Variants in MELK observed in about 807,000 individuals in gnomAD.
MELK encodes pEg3 kinase.
MELK carries 81 observed loss-of-function variants against 85.0 expected under a neutral mutation model. The ratio of observed to expected loss-of-function variants is 0.95; its 90% CI spans 0.80 to 1.15. The LOEUF (loss-of-function observed/expected upper bound fraction) is 1.15. Among genes scored for constraint, MELK ranks in the 50% most tolerant of loss-of-function variants. The probability of loss-of-function intolerance (pLI) is 0.00; values close to 1 mark genes in which losing one functional copy is unlikely to be tolerated. For missense variants in MELK, 754 were observed against 777.5 expected (o/e 0.97, Z 0.36); for synonymous variants, 252 against 265.0 (o/e 0.95, Z 0.48).
At chr9:36,671,598 G>A (rs1482984520) in intron 16 of MELK, among the ~76,000 whole-genome samples, 1 of 152,222 alleles carries the variant, frequency 6.6e-6, no homozygotes, top group Non-Finnish European at 1.5e-5. Context: ...GGAAAATAGT[G>A]AGTGACAAGC....
chr9:36,636,243 C>A (rs1436018524), intron 10 of MELK, among the ~76,000 whole-genome samples: 1 of 151,970 alleles, frequency 6.6e-6, no homozygotes, highest in Non-Finnish European at 1.5e-5. Context: ...GTGGCTCACG[C>A]CTGTAATCCT....
At chr9:36,628,953 G>A (rs1587490757) in intron 8 of MELK, among the ~76,000 whole-genome samples, 4 of 140,170 alleles carry the variant, frequency 2.9e-5, no homozygotes, top group South Asian at 2.3e-4. Flanking sequence ...CGCAACCTCC[G>A]CCTCCTGAGT....
At chr9:36,640,336 G>A (rs61517225) in intron 10 of MELK, among the ~76,000 whole-genome samples, 1 of 152,156 alleles carries the variant, frequency 6.6e-6, no homozygotes, top group Admixed American at 6.5e-5. Flanking sequence ...TGTTTGATGA[G>A]GGCCCACTTT....
Position 36,620,717 on chromosome 9 carries a change from A to C in MELK, c.667-9582A>C, listed in dbSNP as rs575053466. On this transcript the variant is annotated intron_variant, in intron 8 of 17. Coordinates refer to ENST00000298048, the MANE Select transcript of MELK (RefSeq NM_014791.4). ...AGGTGCTCACCACCACACCCAGCTA[A>C]TTTTTGTATTTTTAGTAGAGACGGG... Among the ~76,000 whole-genome samples the C allele has an allele frequency of 1.7e-3, 251 of 151,564 alleles. 1 individual carries two copies. The highest frequency in any genetic ancestry group is 3.2e-3 in the Non-Finnish European group (219 of 67,844).
At chr9:36,577,187 G>T (rs1055263410) in intron 1 of MELK, among the ~76,000 whole-genome samples, 2 of 152,090 alleles carry the variant, frequency 1.3e-5, no homozygotes, top group African/African-American at 4.8e-5. Context: ...GGTAGTTTAC[G>T]TGGCACCTGC....
At position 36,669,371 on chromosome 9, in the gene MELK, C is replaced by T; in HGVS notation, c.1470C>T (p.Asp490=). The change falls in exon 15 of 18, where the codon GAC becomes GAT. Residue 490 remains aspartate, a synonymous_variant. Coordinates refer to ENST00000298048, the MANE Select transcript of MELK (RefSeq NM_014791.4). ...TACCAGTAAATTCAACAGGAACAGA[C>T]AAGTTAATGACAGGTGTCATTAGCC... The part of the protein sequence containing the change: ...IKIPVNSTGT[D]KLMTGVISPE... 1.2e-6 allele frequency: 2 copies of T among 1,607,580 alleles called. No homozygotes were observed. The highest frequency in any genetic ancestry group is 1.7e-6 in the Non-Finnish European group (2 of 1,177,616).
At chr9:36,584,069 G>C (rs1396877034) in intron 3 of MELK, among the ~76,000 whole-genome samples, 5 of 151,710 alleles carry the variant, frequency 3.3e-5, no homozygotes, top group Non-Finnish European at 5.9e-5. Context: ...ACAGTGGCGC[G>C]ATCTCGGCTC....
chr9:36,587,415 C>G (rs1225264450), intron 3 of MELK, among the ~76,000 whole-genome samples: 1 of 151,744 alleles, frequency 6.6e-6, no homozygotes, highest in African/African-American at 2.4e-5. Context: ...CTCCTGGGTT[C>G]GAGCAATTCT....
intron 13 of MELK, among the ~76,000 whole-genome samples, chr9:36,659,158 G>C (rs1831549765): frequency 1.3e-5 from 2 of 152,122 alleles, no homozygotes; most frequent in Admixed American, 1.3e-4. Context: ...TGGGATTACA[G>C]GCTTGAGCCA....
At chr9:36,635,317 G>A (rs1434539972) in intron 10 of MELK, among the ~76,000 whole-genome samples, 3 of 151,654 alleles carry the variant, frequency 2.0e-5, no homozygotes, top group African/African-American at 7.3e-5. Context: ...AGACGGGAGT[G>A]CAATGGCACG....
intron 12 of MELK, among the ~76,000 whole-genome samples, chr9:36,652,994 A>C (rs529084702): frequency 1.3e-5 from 2 of 152,222 alleles, no homozygotes; most frequent in East Asian, 3.9e-4. Context: ...CATTTTGATA[A>C]ATATTTTCAT....
In MELK at chr9:36,669,380, G is replaced by C. The variant is rs773025164; in HGVS notation, c.1479G>C (p.Met493Ile). The C allele has an allele frequency of 1.6e-5, 25 of 1,606,010 alleles. No individual in the cohort carries two copies. In the South Asian group the frequency reaches 2.7e-4, roughly 17 times the overall value. ...PVNSTGTDKL[M>I]TGVISPERRC... Reference sequence around the variant, plus strand: ...ATTCAACAGGAACAGACAAGTTAATGACAGGTGTCATTAGCCCTGAGAGGC... The same window carrying C: ...ATTCAACAGGAACAGACAAGTTAATCACAGGTGTCATTAGCCCTGAGAGGC... Residue 493 changes from methionine to isoleucine, a missense_variant, in exon 15 of 18, where the codon ATG becomes ATC. By Grantham distance (10) the Met-to-Ile change is conservative. Coordinates refer to ENST00000298048, the MANE Select transcript of MELK (RefSeq NM_014791.4).
intron 9 of MELK, among the ~76,000 whole-genome samples, chr9:36,631,023 G>A (rs1243105396): frequency 6.6e-6 from 1 of 150,770 alleles, no homozygotes; most frequent in Non-Finnish European, 1.5e-5. Context: ...GAGTGCAGTG[G>A]CGTGATCTTG....
At chr9:36,665,318 G>A (rs759066909) in intron 13 of MELK, 32 bp from the exon 14 acceptor site, 2 of 1,375,304 alleles carry the variant, frequency 1.5e-6, no homozygotes, top group South Asian at 1.3e-5. Flanking sequence ...TTCTTCTTCA[G>A]TGTGCTTTAT....
At chr9:36,609,617 T>TA (rs1470231289) in intron 8 of MELK, among the ~76,000 whole-genome samples, 1 of 151,862 alleles carries the variant, frequency 6.6e-6, no homozygotes, top group Non-Finnish European at 1.5e-5. Context: ...TCCGGCTAAT[T>TA]AAAAAAATTT....
intron 11 of MELK, among the ~76,000 whole-genome samples, chr9:36,650,794 T>C (rs1830635623): frequency 6.6e-6 from 1 of 152,174 alleles, no homozygotes; most frequent in Admixed American, 6.5e-5. Flanking sequence ...GACAATTGAG[T>C]AGCTGGCTGA....
intron 13 of MELK, among the ~76,000 whole-genome samples, chr9:36,661,176 T>C (rs780757112): frequency 2.0e-4 from 30 of 152,142 alleles, no homozygotes; most frequent in Non-Finnish European, 3.7e-4. Context: ...GCTGTGGGTT[T>C]CTAAGACTAT....
intron 7 of MELK, among the ~76,000 whole-genome samples, chr9:36,600,757 G>C (rs371884357): frequency 6.6e-6 from 1 of 152,282 alleles, no homozygotes; most frequent in Non-Finnish European, 1.5e-5. Context: ...GATAACAGCT[G>C]GTTCTGATTT....
intron 8 of MELK, among the ~76,000 whole-genome samples, chr9:36,629,073 GC>G (rs1423730215): frequency 6.6e-6 from 1 of 151,652 alleles, no homozygotes. Flanking sequence ...CCCTGTGTCA[GC>G]CAGGATGGTC....
Sources: allele counts gnomAD v4.1 joint callset (sites outside exome capture counted in the v4.1 genomes callset), GRCh38; gene constraint gnomAD v4.1.1; transcripts MANE v1.5; gene names NCBI Gene and HGNC (gene_info 2026-07-23, HGNC 2026-07-21).